Variants in POLE observed in about 807,000 individuals in gnomAD.
The protein encoded by POLE is DNA polymerase epsilon catalytic subunit A.
A neutral mutation model predicts 279.2 loss-of-function variants in POLE; 188 were observed. The ratio of observed to expected loss-of-function variants is 0.67; its 90% CI spans 0.60 to 0.76. The LOEUF (loss-of-function observed/expected upper bound fraction) is 0.76, where lower values mean the gene tolerates loss of function less well. Ranked by LOEUF, POLE falls within the 30% of genes least tolerant of loss-of-function variation. The pLI is 0.00. For missense variants in POLE, 2,703 were observed against 3,016.7 expected, an observed-to-expected ratio of 0.90 and a Z score of 2.44; for synonymous variants, 1,214 against 1,172.5, an observed-to-expected ratio of 1.04 and a Z score of -0.72.
intron 41 of POLE, among the ~76,000 whole-genome samples, chr12:132,636,404 C>T (rs921419666): frequency 7.4e-6 from 1 of 135,118 alleles, no homozygotes; most frequent in African/African-American, 2.9e-5. Flanking sequence ...GCCTCCCTAG[C>T]GCTGACCCAA....
Position 132,661,662 on chromosome 12 carries a change from T to C in POLE, c.2729A>G (p.Tyr910Cys). 1 of 1,614,104 alleles carries C rather than the reference T, an allele frequency of 6.2e-7. No homozygotes were observed. ...MVKEGFTNDQ[Y>C]QELAEPSSLT... The stretch of plus-strand genomic sequence containing the variant: ...TGAGGACGGCTCAGCCAGCTCCTGG[T>C]ACTGGTCATTGGTGAAGCCTTCCTG... The change falls in exon 24 of 49, where the codon TAC (tyrosine) becomes TGC (cysteine). Residue 910 changes from tyrosine (Y) to cysteine (C), a missense_variant. Coordinates refer to ENST00000320574, the MANE Select transcript of POLE (RefSeq NM_006231.4). The surrounding 1 kb of genome is among the most constrained non-coding windows in gnomAD (Gnocchi z 4.1).
chr12:132,661,167 GAA>G lies in POLE; in HGVS notation c.2865-5_2865-4del, dbSNP rs369732588. On this transcript the variant is annotated splice_region_variant and splice_polypyrimidine_tract_variant and intron_variant, in intron 24 of 48. Transcript: ENST00000320574. This position sits in a 1 kb window ranked among gnomAD's most constrained non-coding sequence, Gnocchi z 4.1. ...CGTCTTCATTGAACACAGCATACCT[GAA>G]AAAAAAAAAAAAGGCAAGCACAGCA... is the stretch of plus-strand genomic sequence containing the variant. 6,151 of 1,332,700 alleles carry G rather than the reference GAA, an allele frequency of 4.6e-3. No individual in the cohort carries two copies. Among genetic ancestry groups the G allele is most frequent in the Admixed American group, 0.011 (490 of 43,566 alleles). 82.6% of individuals were successfully genotyped at this position (1,332,700 alleles called of 1,614,324 possible). A position where few individuals can be genotyped will look rare whatever the true frequency, so the allele number is the denominator to read the frequency against.
Position 132,624,575 on chromosome 12 carries a change from C to T in POLE, c.*122G>A. 1.4e-6 allele frequency: 1 copy of T among 738,774 alleles called. No homozygotes were observed. The highest frequency in any genetic ancestry group is 2.5e-6 in the Non-Finnish European group (1 of 401,582). 45.8% of individuals were successfully genotyped at this position (738,774 alleles called of 1,614,324 possible). A position where few individuals can be genotyped will look rare whatever the true frequency, so the allele number is the denominator to read the frequency against. ...CTTTGGTTTCCTCCCCGTTCCCTGG[C>T]CTGGGGTCACAGGTTTGGACAGTCA... On this transcript the variant is annotated 3_prime_UTR_variant, in exon 49 of 49. Coordinates refer to ENST00000320574, the MANE Select transcript of POLE (RefSeq NM_006231.4).
In POLE at chr12:132,648,988, G is replaced by A. The variant is rs770024304; in HGVS notation, c.4090C>T (p.Arg1364Cys). The part of the protein sequence containing the change: ...DLHCIRLSIP[R>C]VFYVNQRVAK... ...ACTCGCTGGTTCACGTAGAACACAC[G>A]GGGGATGCTCAGCCTGATGCAGTGC... is the stretch of plus-strand genomic sequence containing the variant. Residue 1364 changes from arginine to cysteine, a missense_variant, in exon 32 of 49, where the codon CGT becomes TGT. Physicochemically the swap from Arg to Cys is radical, Grantham distance 180 (BLOSUM62 -3). Around this residue, in one of 5 missense-constraint regions of POLE, gnomAD observed 1,551 missense variants for 1,686.1 expected, o/e 0.92. Transcript: ENST00000320574. The A allele has an allele frequency of 2.4e-5, 39 of 1,613,910 alleles. No individual in the cohort carries two copies. Among genetic ancestry groups the A allele is most frequent in the Non-Finnish European group, 2.5e-5 (29 of 1,180,006 alleles).
rs2042091627 is a variant in POLE, at chr12:132,639,164, T to C, written c.5513A>G (p.His1838Arg). The change falls in exon 40 of 49, where the codon CAC (histidine) becomes CGC (arginine). Residue 1838 changes from histidine (H) to arginine (R), a missense_variant. By Grantham distance (29) the His-to-Arg change is conservative (BLOSUM62 0). Transcript: ENST00000320574. This position sits in a 1 kb window ranked among gnomAD's most constrained non-coding sequence, Gnocchi z 4.7. ...CTTCATCATGTTGTGGAGTGTGCGG[T>C]GCAGGGCAGGGTCATGAAGCAGAGA... is the stretch of plus-strand genomic sequence containing the variant. Reference protein sequence around the residue: ...PSSLLHDPALHRTLHNMMKKL... With the variant: ...PSSLLHDPALRRTLHNMMKKL... 6.2e-7 allele frequency: 1 copy of C among 1,614,100 alleles called. No homozygotes were observed. The highest frequency in any genetic ancestry group is 8.5e-7 in the Non-Finnish European group (1 of 1,180,006).
chr12:132,678,387 G>A (rs1027482743), intron 6 of POLE, among the ~76,000 whole-genome samples: 5 of 151,400 alleles, frequency 3.3e-5, no homozygotes, highest in Non-Finnish European at 7.4e-5. Flanking sequence ...GGCAACATAG[G>A]GAGACTCATC....
At chr12:132,679,792 A>G in intron 5 of POLE, 141 bp from the exon 6 acceptor site, 6 of 1,026,996 alleles carry the variant, frequency 5.8e-6, no homozygotes, top group Non-Finnish European at 8.6e-6. Flanking sequence ...CGTGGCACCA[A>G]CTAACACCAC....
chr12:132,628,881 ACTT>A (rs2041885827), intron 45 of POLE, among the ~76,000 whole-genome samples: 1 of 152,086 alleles, frequency 6.6e-6, no homozygotes, highest in Non-Finnish European at 1.5e-5. Context: ...GTCAGAATCA[ACTT>A]CTTCCACACT....
chr12:132,630,984 C>T (rs1400707238), intron 45 of POLE, among the ~76,000 whole-genome samples: 2 of 152,162 alleles, frequency 1.3e-5, no homozygotes, highest in Admixed American at 6.5e-5. Flanking sequence ...TTTATGTTCA[C>T]ACAAAAACCT....
At chr12:132,638,553 C>T (rs1237184503) in intron 40 of POLE, 1 of 167,540 alleles carries the variant, frequency 6.0e-6, no homozygotes, top group Non-Finnish European at 1.3e-5. Flanking sequence ...GGTAATAATC[C>T]CCGGCCATGT....
rs751448342 is a variant in POLE at position 132,677,572 on chromosome 12, A to C, written c.720+6T>G. The C allele has an allele frequency of 6.2e-7, 1 of 1,614,000 alleles. No individual in the cohort carries two copies. Among genetic ancestry groups the C allele is most frequent in the Non-Finnish European group, 8.5e-7 (1 of 1,179,980 alleles). On this transcript the variant is annotated splice_donor_region_variant and intron_variant, in intron 7 of 48. Coordinates refer to ENST00000320574, the MANE Select transcript of POLE (RefSeq NM_006231.4). ...GTGAGCAGCGACCCAACCCTGCCCC[A>C]CTCACCACGTGGATCTTCAGGTCAA...
chr12:132,654,586 G>A (rs985897248), intron 29 of POLE, among the ~76,000 whole-genome samples: 2 of 152,048 alleles, frequency 1.3e-5, no homozygotes, highest in African/African-American at 4.8e-5. Context: ...TCCTGAAAAA[G>A]ATGTGACCAG....
At position 132,624,800 on chromosome 12, in the gene POLE, T is replaced by G; in HGVS notation, c.6758A>C (p.Glu2253Ala). ...AATGTTCCGGAATATTCCGATCTGT[T>G]CCATGAAGACCTGCAGGAATAAACA... Reference protein sequence around the residue: ...ALTIHTQVFMEQIGIFRNIAQ... With the variant: ...ALTIHTQVFMAQIGIFRNIAQ... Residue 2253 changes from glutamate (E) to alanine (A), a missense_variant, in exon 49 of 49, where the codon GAA becomes GCA. Coordinates refer to ENST00000320574, the MANE Select transcript of POLE (RefSeq NM_006231.4). The G allele has an allele frequency of 6.2e-7, 1 of 1,611,536 alleles. No individual in the cohort carries two copies. Among genetic ancestry groups the G allele is most frequent in the East Asian group, 2.2e-5 (1 of 44,872 alleles).
intron 23 of POLE, among the ~76,000 whole-genome samples, chr12:132,663,442 C>A (rs112329390): frequency 1.3e-5 from 2 of 152,246 alleles, no homozygotes; most frequent in African/African-American, 2.4e-5. Flanking sequence ...AGTCTAGTCA[C>A]GAGAAACAAC....
At position 132,672,676 on chromosome 12, in the gene POLE, G is replaced by C. The variant is rs1374521712; in HGVS notation, c.1637C>G (p.Ala546Gly). Reference sequence around the variant, plus strand: ...GCTGCGGAAAACCCCAGACTCGAGGGCCTCCACGTGGCCCCCGACGTAGGT... The same window carrying C: ...GCTGCGGAAAACCCCAGACTCGAGGCCCTCCACGTGGCCCCCGACGTAGGT... ...SETYVGGHVE[A>G]LESGVFRSDI... Residue 546 changes from alanine to glycine, a missense_variant, in exon 15 of 49, where the codon GCC becomes GGC. Physicochemically the swap from Ala to Gly is moderately conservative, Grantham distance 60 (BLOSUM62 0). Coordinates refer to ENST00000320574, the MANE Select transcript of POLE (RefSeq NM_006231.4). 6.2e-7 allele frequency: 1 copy of C among 1,614,138 alleles called. No individual in the cohort carries two copies.
intron 1 of POLE, among the ~76,000 whole-genome samples, chr12:132,686,898 T>C (rs960634510): frequency 5.8e-5 from 8 of 137,646 alleles, no homozygotes; most frequent in Non-Finnish European, 1.1e-4. Context: ...CAGCCGCGCG[T>C]CCACCCCGCA....
At chr12:132,680,092 T>C in intron 4 of POLE, 46 bp from the exon 5 acceptor site, 1 of 1,595,158 alleles carries the variant, frequency 6.3e-7, no homozygotes. Context: ...TAAAATACAT[T>C]TCCTTCCTTG....
Position 132,632,728 on chromosome 12 carries a change from G to A in POLE, c.6072C>T (p.Pro2024=), listed in dbSNP as rs768531930. ...GLRRSAPGST[P]VRRRGASQLS... The stretch of plus-strand genomic sequence containing the variant: ...GCTGGCTGGCCCCCCTCCTCCTCAC[G>A]GGGGTGCTCCCTGGAGCACTGCGCC... Residue 2024 remains proline, a synonymous_variant, in exon 44 of 49, where the codon CCC becomes CCT. Transcript: ENST00000320574. The A allele has an allele frequency of 1.4e-5, 22 of 1,613,298 alleles. 1 individual carries two copies. Among genetic ancestry groups the A allele is most frequent in the Middle Eastern group, 3.3e-4 (2 of 6,084 alleles).
chr12:132,635,262 C>T (rs1236772703), intron 42 of POLE, among the ~76,000 whole-genome samples: 3 of 152,184 alleles, frequency 2.0e-5, no homozygotes, highest in East Asian at 3.9e-4. Flanking sequence ...CAGCCTGGCC[C>T]GCACCTGGGC....
Sources: gnomAD v4.1 joint callset for allele counts (sites outside exome capture counted in the v4.1 genomes callset) on GRCh38, gnomAD v4.1.1 for gene constraint, gnomAD v4.1.1 regional missense constraint, Gnocchi (gnomAD v3.1) non-coding constraint, MANE v1.5 for transcripts, NCBI Gene and HGNC (gene_info 2026-07-23, HGNC 2026-07-21) for gene names.